Variants in SLC44A5 observed in about 807,000 individuals in gnomAD.
The protein encoded by SLC44A5 is choline transporter-like protein 5.
A neutral mutation model predicts 101.8 loss-of-function variants in SLC44A5; 57 were observed. The observed-to-expected ratio is 0.56, with a 90% CI of 0.45 to 0.70. The LOEUF (loss-of-function observed/expected upper bound fraction) is 0.70, where lower values mean the gene tolerates loss of function less well. Among genes scored for constraint, SLC44A5 ranks in the 30% least tolerant of loss-of-function variants. The pLI, the probability that SLC44A5 is intolerant of heterozygous loss-of-function variation, is 0.00. For missense variants in SLC44A5, 737 were observed against 853.1 expected, an observed-to-expected ratio of 0.86 and a Z score of 1.70; for synonymous variants, 281 against 290.9, an observed-to-expected ratio of 0.97 and a Z score of 0.35.
intron 2 of SLC44A5, among the ~76,000 whole-genome samples, chr1:75,496,708 AAG>A (rs1668696071): frequency 6.6e-6 from 1 of 152,040 alleles, no homozygotes; most frequent in South Asian, 2.1e-4. Flanking sequence ...TACAAAATGA[AAG>A]AAAATATTCC....
At chr1:75,519,857 T>C (rs1330835194) in intron 2 of SLC44A5, among the ~76,000 whole-genome samples, 1 of 152,256 alleles carries the variant, frequency 6.6e-6, no homozygotes, top group Non-Finnish European at 1.5e-5. Flanking sequence ...GACATCTCTT[T>C]GGATTGCTGA....
At chr1:75,350,312 A>G (rs1658551605) in intron 3 of SLC44A5, among the ~76,000 whole-genome samples, 1 of 150,808 alleles carries the variant, frequency 6.6e-6, no homozygotes, top group South Asian at 2.1e-4. Context: ...AGAATCACAA[A>G]TCAGGAAGAG....
chr1:75,424,184 G>A (rs1294292127), intron 2 of SLC44A5, among the ~76,000 whole-genome samples: 2 of 152,164 alleles, frequency 1.3e-5, no homozygotes, highest in East Asian at 3.8e-4. Flanking sequence ...ATATAGAACC[G>A]ATGACTCTCA....
intron 1 of SLC44A5, among the ~76,000 whole-genome samples, chr1:75,570,463 T>A (rs1454685537): frequency 6.6e-6 from 1 of 152,050 alleles, no homozygotes; most frequent in African/African-American, 2.4e-5. Context: ...TTTTATGGAA[T>A]CCCCATCTAG....
rs1166530404 is a variant in SLC44A5 at position 75,381,071 on chromosome 1, T to G, written c.52+15512A>C. ...CCACGGGTAAATTATTTACAAGACTTTCCTTATCAAAGATCATTAAAATTT... is the reference window on the plus strand; with the variant it reads ...CCACGGGTAAATTATTTACAAGACTGTCCTTATCAAAGATCATTAAAATTT... On this transcript the variant is annotated intron_variant, in intron 3 of 23. Coordinates refer to ENST00000370859, the MANE Select transcript of SLC44A5 (RefSeq NM_001130058.2). Among the ~76,000 whole-genome samples the G allele has an allele frequency of 1.3e-4, 10 of 79,054 alleles. 5 individuals are homozygous for G. Among genetic ancestry groups the G allele is most frequent in the African/African-American group, 8.5e-4 (10 of 11,750 alleles). The allele number at this position is 79,054 out of a possible 152,430, so 51.9% of individuals were successfully genotyped here.
At chr1:75,272,049 C>G (rs1268830592) in intron 6 of SLC44A5, among the ~76,000 whole-genome samples, 1 of 152,042 alleles carries the variant, frequency 6.6e-6, no homozygotes. Context: ...TTTTAATTTG[C>G]ATTTCCCTGA....
At chr1:75,257,730 G>T (rs567262670) in intron 6 of SLC44A5, among the ~76,000 whole-genome samples, 4 of 152,238 alleles carry the variant, frequency 2.6e-5, no homozygotes, top group Admixed American at 2.0e-4. Flanking sequence ...CCTCCCTGAG[G>T]TCTAAGAAGA....
the SLC44A5 span, among the ~76,000 whole-genome samples, chr1:75,672,679 C>T: frequency 1.3e-5 from 2 of 152,108 alleles, no homozygotes; most frequent in Non-Finnish European, 2.9e-5. Flanking sequence ...CCAATTGCAG[C>T]TCTGGGAGAG....
At chr1:75,662,427 G>T in the SLC44A5 span, among the ~76,000 whole-genome samples, 1 of 152,144 alleles carries the variant, frequency 6.6e-6, no homozygotes, top group Non-Finnish European at 1.5e-5. Flanking sequence ...AGAGGAATAA[G>T]TTCTAGGGCT....
At chr1:75,302,593 C>A (rs532018100) in intron 4 of SLC44A5, among the ~76,000 whole-genome samples, 1 of 152,138 alleles carries the variant, frequency 6.6e-6, no homozygotes, top group South Asian at 2.1e-4. Context: ...TTTGTTTTTT[C>A]CTATACATGC....
chr1:75,313,561 G>C (rs1379324917), intron 4 of SLC44A5, among the ~76,000 whole-genome samples: 1 of 152,132 alleles, frequency 6.6e-6, no homozygotes, highest in East Asian at 1.9e-4. Flanking sequence ...AGCTGGCCTT[G>C]ACTGCTCCTG....
the SLC44A5 span, among the ~76,000 whole-genome samples, chr1:75,683,048 A>G: frequency 6.6e-6 from 1 of 152,102 alleles, no homozygotes; most frequent in Non-Finnish European, 1.5e-5. Flanking sequence ...AATCAAAACC[A>G]CAATGAGATA....
At chr1:75,230,595 A>G (rs1470601194) in intron 12 of SLC44A5, among the ~76,000 whole-genome samples, 1 of 151,010 alleles carries the variant, frequency 6.6e-6, no homozygotes, top group East Asian at 2.0e-4. Flanking sequence ...TGGTTATTTC[A>G]TGTTCTATAT....
chr1:75,620,162 T>TCACCC, the SLC44A5 span, among the ~76,000 whole-genome samples: 1 of 152,226 alleles, frequency 6.6e-6, no homozygotes, highest in Non-Finnish European at 1.5e-5. Context: ...GGATATGAAC[T>TCACCC]CACCCTTTTT....
chr1:75,367,023 GATC>G (rs1659907183), intron 3 of SLC44A5, among the ~76,000 whole-genome samples: 3 of 152,158 alleles, frequency 2.0e-5, no homozygotes, highest in Admixed American at 2.0e-4. Flanking sequence ...ATAATTTGTA[GATC>G]ATCATTTCTT....
chr1:75,584,740 G>T (rs569553021), intron 1 of SLC44A5, among the ~76,000 whole-genome samples: 21 of 152,156 alleles, frequency 1.4e-4, no homozygotes, highest in African/African-American at 5.1e-4. Flanking sequence ...CTCCCAAGTA[G>T]CATGTGCCAC....
intron 8 of SLC44A5, 59 bp from the exon 9 acceptor site, chr1:75,242,120 G>A: frequency 7.4e-7 from 1 of 1,352,210 alleles, no homozygotes; most frequent in Non-Finnish European, 1.1e-6. Context: ...ACTTTATACT[G>A]AATCTAAATA....
intron 3 of SLC44A5, among the ~76,000 whole-genome samples, chr1:75,350,085 C>A (rs988925508): frequency 1.3e-5 from 2 of 152,064 alleles, no homozygotes; most frequent in South Asian, 2.1e-4. Flanking sequence ...CTACCGCGCC[C>A]CCCCCAACTC....
the SLC44A5 span, among the ~76,000 whole-genome samples, chr1:75,713,831 G>T: frequency 6.6e-6 from 1 of 152,118 alleles, no homozygotes; most frequent in East Asian, 1.9e-4. Flanking sequence ...ACTGAGATCC[G>T]ACACTTTGTT....
Sources: allele counts gnomAD v4.1 joint callset (sites outside exome capture counted in the v4.1 genomes callset), GRCh38; gene constraint gnomAD v4.1.1; transcripts MANE v1.5; gene names NCBI Gene and HGNC (gene_info 2026-07-23, HGNC 2026-07-21).